Variants in MARK1 observed in about 807,000 individuals in gnomAD.
MARK1 encodes the protein microtubule affinity regulating kinase 1.
A neutral mutation model predicts 96.3 loss-of-function variants in MARK1; 40 were observed. That is an observed-to-expected ratio of 0.42 (90% CI 0.32 to 0.54). The LOEUF is 0.54. Among genes scored for constraint, MARK1 ranks in the 20% least tolerant of loss-of-function variants. The pLI is 0.16. For missense variants in MARK1, 719 were observed against 984.6 expected, an observed-to-expected ratio of 0.73 and a Z score of 3.61; for synonymous variants, 317 against 341.2, an observed-to-expected ratio of 0.93 and a Z score of 0.78.
intron 17 of MARK1, 104 bp downstream of exon 17, chr1:220,657,938 G>C: frequency 1.6e-5 from 12 of 752,798 alleles, no homozygotes; most frequent in Non-Finnish European, 2.3e-5. Context: ...CTAATAACTA[G>C]ATAGCATGCG....
At chr1:220,548,727 G>A (rs59974884) in intron 1 of MARK1, among the ~76,000 whole-genome samples, 1,706 of 152,162 alleles carry the variant, frequency 0.011, 26 homozygotes, top group African/African-American at 0.039. Flanking sequence ...CTGCACTCCA[G>A]CCTGGGTGGA....
At chr1:220,583,570 T>C (rs1328032451) in intron 3 of MARK1, among the ~76,000 whole-genome samples, 2 of 152,098 alleles carry the variant, frequency 1.3e-5, no homozygotes, top group Non-Finnish European at 2.9e-5. Flanking sequence ...TTTTAGTTCT[T>C]CCTCTTCAAA....
chr1:220,638,320 C>T (rs189305916), intron 13 of MARK1, among the ~76,000 whole-genome samples: 62 of 152,216 alleles, frequency 4.1e-4, no homozygotes, highest in Admixed American at 1.3e-3. Context: ...TTATGTAGTG[C>T]CCTTGCCTAA....
intron 1 of MARK1, among the ~76,000 whole-genome samples, chr1:220,540,722 C>CT (rs34323689): frequency 0.94 from 143,564 of 152,078 alleles, 68,362 homozygotes; most frequent in East Asian, 1. Context: ...TGAGTCCTAT[C>CT]TTTTTTTCTT....
At chr1:220,543,562 G>A (rs973263536) in intron 1 of MARK1, among the ~76,000 whole-genome samples, 5 of 152,130 alleles carry the variant, frequency 3.3e-5, no homozygotes, top group East Asian at 1.9e-4. Flanking sequence ...AGAGTTTAGC[G>A]TTGTTCTCTA....
intron 9 of MARK1, among the ~76,000 whole-genome samples, chr1:220,629,291 T>C (rs1175368199): frequency 6.6e-6 from 1 of 151,528 alleles, no homozygotes; most frequent in Non-Finnish European, 1.5e-5. Flanking sequence ...ATTATTCAAA[T>C]AAGTTTCTTC....
At chr1:220,592,233 T>TTA (rs1381353412) in intron 3 of MARK1, among the ~76,000 whole-genome samples, 1 of 142,946 alleles carries the variant, frequency 7.0e-6, no homozygotes, top group Non-Finnish European at 1.5e-5. Context: ...TTATATTATA[T>TTA]TATATTATAT....
At chr1:220,564,534 A>G (rs1472704841) in intron 1 of MARK1, among the ~76,000 whole-genome samples, 3 of 152,176 alleles carry the variant, frequency 2.0e-5, no homozygotes, top group South Asian at 2.1e-4. Flanking sequence ...ATATTATCCA[A>G]TTAGGTCTCG....
intron 1 of MARK1, among the ~76,000 whole-genome samples, chr1:220,562,187 G>A (rs555090240): frequency 1.3e-5 from 2 of 152,246 alleles, no homozygotes; most frequent in South Asian, 2.1e-4. Flanking sequence ...AAAACAGGCC[G>A]GTCATGGTGA....
chr1:220,547,633 C>T (rs77420590), intron 1 of MARK1, among the ~76,000 whole-genome samples: 1 of 152,016 alleles, frequency 6.6e-6, no homozygotes, highest in African/African-American at 2.4e-5. Flanking sequence ...GGTGCGATCT[C>T]AGCTCACTGC....
At chr1:220,612,930 A>G (rs570247939) in intron 6 of MARK1, among the ~76,000 whole-genome samples, 73 of 152,182 alleles carry the variant, frequency 4.8e-4, no homozygotes, top group Non-Finnish European at 8.5e-4. Context: ...AGAAAAAAAA[A>G]AGTCGTAATA....
In MARK1 at chr1:220,663,056, C is replaced by T. The variant is rs1669566190; in HGVS notation, c.*890C>T. The T allele has an allele frequency of 6.6e-6, 1 of 152,616 alleles. No homozygotes were observed. Among genetic ancestry groups the T allele is most frequent in the Admixed American group, 6.5e-5 (1 of 15,278 alleles). The allele number at this position is 152,616 out of a possible 1,614,324, so 9.5% of individuals were successfully genotyped here. ...TTGCGGGAATATAATAATATTGGGA[C>T]TGTTTCACAGCACAAACTCATCTTT... On this transcript the variant is annotated 3_prime_UTR_variant, in exon 18 of 18. Transcript: ENST00000366917.
At chr1:220,599,900 A>T in intron 5 of MARK1, 37 bp downstream of exon 5, 1 of 1,412,540 alleles carries the variant, frequency 7.1e-7, no homozygotes, top group Non-Finnish European at 9.9e-7. Flanking sequence ...CTCTTTGCTG[A>T]GACATACAGA....
intron 1 of MARK1, among the ~76,000 whole-genome samples, chr1:220,557,994 C>G (rs2102765940): frequency 6.6e-6 from 1 of 151,938 alleles, no homozygotes; most frequent in East Asian, 1.9e-4. Flanking sequence ...GCTGGGCATG[C>G]TGGCATGCAC....
intron 9 of MARK1, among the ~76,000 whole-genome samples, chr1:220,630,668 A>G (rs1056815119): frequency 9.9e-5 from 15 of 152,242 alleles, no homozygotes; most frequent in Admixed American, 2.6e-4. Flanking sequence ...TATATTTGGC[A>G]TAAAACAGGA....
At chr1:220,644,023 T>C (rs1001561239) in intron 13 of MARK1, among the ~76,000 whole-genome samples, 1 of 152,114 alleles carries the variant, frequency 6.6e-6, no homozygotes, top group African/African-American at 2.4e-5. Context: ...GTCTGCAAAA[T>C]TGGCCACCCA....
chr1:220,647,702 A>G (rs1381796497), intron 13 of MARK1, among the ~76,000 whole-genome samples: 3 of 152,186 alleles, frequency 2.0e-5, no homozygotes, highest in Admixed American at 1.3e-4. Context: ...ACCACAGACT[A>G]CTATGCAGCC....
At chr1:220,629,071 A>C (rs1474542190) in intron 9 of MARK1, among the ~76,000 whole-genome samples, 1 of 152,096 alleles carries the variant, frequency 6.6e-6, no homozygotes, top group African/African-American at 2.4e-5. Flanking sequence ...AATGAGGGGA[A>C]GGTACCTGGG....
intron 1 of MARK1, among the ~76,000 whole-genome samples, chr1:220,531,869 A>G (rs1434292532): frequency 6.6e-6 from 1 of 152,158 alleles, no homozygotes; most frequent in Non-Finnish European, 1.5e-5. Context: ...TTGATTTTAG[A>G]TTATAAACAG....
Sources: gnomAD v4.1 joint callset for allele counts (sites outside exome capture counted in the v4.1 genomes callset) on GRCh38, gnomAD v4.1.1 for gene constraint, MANE v1.5 for transcripts, NCBI Gene and HGNC (gene_info 2026-07-23, HGNC 2026-07-21) for gene names.